ROCK1: variants seen among roughly 807,000 people sequenced by gnomAD.
ROCK1 encodes rho-associated protein kinase 1.
ROCK1 carries 36 observed loss-of-function variants against 196.8 expected under a neutral mutation model. That is an observed-to-expected ratio of 0.18 (90% confidence interval 0.14 to 0.24). ROCK1 has a LOEUF of 0.24. Among genes scored for constraint, ROCK1 ranks in the 10% least tolerant of loss-of-function variants. The pLI is 1.00. For synonymous variants in ROCK1, 443 were observed against 515.9 expected (o/e 0.86, Z 1.91); for missense variants, 920 against 1,562.0 (o/e 0.59, Z 6.93).
Position 21,111,264 on chromosome 18 carries a change from G to A in ROCK1, c.-354C>T, listed in dbSNP as rs1489322288. ...CATGGAGGGGTCCCCGTCCCGAGAT[G>A]GGCAGGAGCGGGTAGAGAAAGAGAA... On this transcript the variant is annotated 5_prime_UTR_variant, in exon 1 of 33. Transcript: ENST00000399799. The surrounding 1 kb of genome is among the most constrained non-coding windows in gnomAD (Gnocchi z 4.2). The A allele has an allele frequency of 6.7e-5, 32 of 477,762 alleles. No homozygotes were observed. Among genetic ancestry groups the A allele is most frequent in the Non-Finnish European group, 9.9e-5 (27 of 273,076 alleles). The allele number at this position is 477,762 out of a possible 1,614,324, so 29.6% of individuals were successfully genotyped here.
At chr18:20,967,978 C>A in intron 25 of ROCK1, 38 bp from the exon 26 acceptor site, 2 of 1,362,944 alleles carry the variant, frequency 1.5e-6, no homozygotes, top group South Asian at 3.2e-5. Flanking sequence ...ATAGTGTAGT[C>A]ATCCAATTTA....
intron 25 of ROCK1, 88 bp from the exon 26 acceptor site, chr18:20,968,028 G>C: frequency 8.4e-7 from 1 of 1,184,734 alleles, no homozygotes. Flanking sequence ...CAGGAAGCAG[G>C]ACTTTCTGTG....
chr18:20,979,906 A>G lies in ROCK1; in HGVS notation c.2654+4T>C. On this transcript the variant is annotated splice_donor_region_variant and intron_variant, in intron 22 of 32. Transcript: ENST00000399799. ...ATTCTTGTTCTAAAGTAAAATGGAC[A>G]TACTTTTCATTTTGTAGTTCCTGTA... 1 of 1,529,410 alleles carries G rather than the reference A, an allele frequency of 6.5e-7. No homozygotes were observed. The highest frequency in any genetic ancestry group is 8.8e-7 in the Non-Finnish European group (1 of 1,137,246). 94.7% of individuals were successfully genotyped at this position (1,529,410 alleles called of 1,614,324 possible).
At chr18:21,070,510 A>G in intron 2 of ROCK1, 22 bp downstream of exon 2, 1 of 1,344,608 alleles carries the variant, frequency 7.4e-7, no homozygotes, top group South Asian at 1.2e-5. Context: ...TCTGTCATTA[A>G]CCTCCACAAA....
intron 2 of ROCK1, among the ~76,000 whole-genome samples, chr18:21,052,164 G>A (rs1001488544): frequency 4.6e-5 from 7 of 152,178 alleles, no homozygotes; most frequent in African/African-American, 1.7e-4. Flanking sequence ...TACTGCCTTG[G>A]ATTCTAGCTT....
At position 21,014,819 on chromosome 18, in the gene ROCK1, G is replaced by C. The variant is rs541677009; in HGVS notation, c.1410+612C>G. Among the ~76,000 whole-genome samples, 7 of 152,294 alleles carry C rather than the reference G, an allele frequency of 4.6e-5. No individual in the cohort carries two copies. In the South Asian group the frequency reaches 8.3e-4, roughly 18 times the overall value. On this transcript the variant is annotated intron_variant, in intron 13 of 32. Coordinates refer to ENST00000399799, the MANE Select transcript of ROCK1 (RefSeq NM_005406.3). ...CAAAGTAAGTAATGTATTAGGAGAA[G>C]ACTACAGAGAGTGTATTTCTTTTCA...
At position 21,006,607 on chromosome 18, in the gene ROCK1, A is replaced by C; in HGVS notation, c.1639-10T>G. 1.2e-6 allele frequency: 2 copies of C among 1,605,414 alleles called. No homozygotes were observed. Among genetic ancestry groups the C allele is most frequent in the Non-Finnish European group, 1.7e-6 (2 of 1,177,602 alleles). On this transcript the variant is annotated splice_polypyrimidine_tract_variant and intron_variant, in intron 15 of 32. Transcript: ENST00000399799. ...CATTGGCTTCTTCTAGCTATTTAAA[A>C]AGAAAGCAAAAAAATAGGTTTCTGA...
At chr18:21,078,351 C>T (rs1196517159) in intron 1 of ROCK1, among the ~76,000 whole-genome samples, 2 of 145,440 alleles carry the variant, frequency 1.4e-5, no homozygotes, top group African/African-American at 5.3e-5. Flanking sequence ...TACACACACA[C>T]ACACACACAC....
intron 12 of ROCK1, among the ~76,000 whole-genome samples, chr18:21,017,397 G>A (rs2035872999): frequency 6.6e-6 from 1 of 151,148 alleles, no homozygotes. Context: ...TTCACCTTGT[G>A]AGCCAGGATG....
intron 13 of ROCK1, among the ~76,000 whole-genome samples, chr18:21,010,045 T>C (rs1270267302): frequency 5.9e-5 from 9 of 152,216 alleles, no homozygotes; most frequent in Non-Finnish European, 1.3e-4. Flanking sequence ...GTCTATAGTA[T>C]ATGCCCTATT....
chr18:21,063,161 C>T (rs764144296), intron 2 of ROCK1, among the ~76,000 whole-genome samples: 4 of 152,110 alleles, frequency 2.6e-5, no homozygotes, highest in Non-Finnish European at 5.9e-5. Context: ...AGCATTAATC[C>T]ATTCATGGGG....
At chr18:21,043,966 G>A (rs2036133406) in intron 6 of ROCK1, 136 bp downstream of exon 6, 1 of 582,950 alleles carries the variant, frequency 1.7e-6, no homozygotes, top group Non-Finnish European at 3.0e-6. Flanking sequence ...CAACAAATAA[G>A]GTCATATTAA....
At position 21,078,371 on chromosome 18, in the gene ROCK1, CACAG is replaced by C. The variant is rs1176552619; in HGVS notation, c.94-7762_94-7759del. ...ACACACACACACACACACACACACA[CACAG>C]AGAGAGAGAGAGAGAGAGAGAGAGA... On this transcript the variant is annotated intron_variant, in intron 1 of 32. Transcript: ENST00000399799. 2.4e-3 allele frequency among the ~76,000 whole-genome samples: 350 copies of C among 143,584 alleles called. 1 individual carries two copies. Among genetic ancestry groups the C allele is most frequent in the South Asian group, 0.019 (84 of 4,438 alleles). 94.2% of individuals were successfully genotyped at this position (143,584 alleles called of 152,430 possible). A position where few individuals can be genotyped will look rare whatever the true frequency, so the allele number is the denominator to read the frequency against.
intron 18 of ROCK1, among the ~76,000 whole-genome samples, chr18:20,988,782 A>T (rs952990584): frequency 1.3e-5 from 2 of 152,140 alleles, no homozygotes; most frequent in African/African-American, 2.4e-5. Flanking sequence ...TCCCATTAAT[A>T]ATTACAAGCT....
At chr18:21,030,396 C>T (rs115639407) in intron 9 of ROCK1, among the ~76,000 whole-genome samples, 1 of 152,240 alleles carries the variant, frequency 6.6e-6, no homozygotes, top group African/African-American at 2.4e-5. Context: ...ACTAAACATC[C>T]TTAAGTTTAG....
At chr18:21,013,790 G>A (rs558977668) in intron 13 of ROCK1, among the ~76,000 whole-genome samples, 105 of 152,238 alleles carry the variant, frequency 6.9e-4, no homozygotes, top group East Asian at 5.0e-3. Context: ...TTGGCTGGGC[G>A]CGGTGGCTCA....
At chr18:20,966,847 C>A (rs1451424878) in intron 27 of ROCK1, 70 bp downstream of exon 27, 7 of 1,263,210 alleles carry the variant, frequency 5.5e-6, no homozygotes, top group African/African-American at 4.5e-5. Flanking sequence ...GGTAGAAAAC[C>A]AAATGAAAGA....
chr18:20,954,646 A>G (rs2035223762), intron 31 of ROCK1, 137 bp downstream of exon 31: 1 of 800,890 alleles, frequency 1.2e-6, no homozygotes, highest in Non-Finnish European at 2.0e-6. Flanking sequence ...ATAGCTGCAT[A>G]TTGCCCCACC....
intron 8 of ROCK1, among the ~76,000 whole-genome samples, chr18:21,039,970 T>A (rs1271752164): frequency 6.6e-6 from 1 of 152,102 alleles, no homozygotes; most frequent in African/African-American, 2.4e-5. Flanking sequence ...GACAGGAGAA[T>A]CGCTTGAACC....
Sources: allele counts gnomAD v4.1 joint callset (sites outside exome capture counted in the v4.1 genomes callset), GRCh38; gene constraint gnomAD v4.1.1; non-coding constraint Gnocchi (gnomAD v3.1); transcripts MANE v1.5; gene names NCBI Gene and HGNC (gene_info 2026-07-23, HGNC 2026-07-21).